The following ARHGAP8 variants were observed in gnomAD, a reference collection of about 807,000 sequenced individuals.
ARHGAP8 encodes the protein Rho GTPase activating protein 8.
ARHGAP8 carries 62 observed loss-of-function variants against 46.1 expected under a neutral mutation model. The ratio of observed to expected loss-of-function variants is 1.34; its 90% CI spans 1.10 to 1.66. The LOEUF (loss-of-function observed/expected upper bound fraction) is 1.66, where lower values mean the gene tolerates loss of function less well. Among genes scored for constraint, ARHGAP8 ranks in the 40% most tolerant of loss-of-function variants. ARHGAP8 has a pLI of 0.00. For synonymous variants in ARHGAP8, 375 were observed against 243.1 expected (o/e 1.54, Z -5.05); for missense variants, 923 against 568.4 (o/e 1.62, Z -6.34).
chr22:44,797,315 C>G (rs1747744638), intron 2 of ARHGAP8, among the ~76,000 whole-genome samples: 1 of 151,532 alleles, frequency 6.6e-6, no homozygotes, highest in Admixed American at 6.6e-5. Flanking sequence ...TATAAATCAC[C>G]CATCACTTTA....
At chr22:44,842,645 C>T (rs955317096) in intron 7 of ARHGAP8, among the ~76,000 whole-genome samples, 1 of 152,112 alleles carries the variant, frequency 6.6e-6, no homozygotes, top group East Asian at 1.9e-4. Context: ...ATAGCTGATG[C>T]GTCAGCTGGA....
At chr22:44,784,370 C>T (rs764972955) in intron 1 of ARHGAP8, among the ~76,000 whole-genome samples, 1 of 152,196 alleles carries the variant, frequency 6.6e-6, no homozygotes, top group Non-Finnish European at 1.5e-5. Flanking sequence ...TGCCACTGCA[C>T]TCCAGCCTGG....
chr22:44,852,086 G>C (rs2070108122), intron 10 of ARHGAP8, among the ~76,000 whole-genome samples: 1 of 150,534 alleles, frequency 6.6e-6, no homozygotes, highest in Admixed American at 6.7e-5. Flanking sequence ...AGCTACTCAG[G>C]AGGCTGAGGC....
At chr22:44,835,346 G>T (rs963027625) in intron 7 of ARHGAP8, among the ~76,000 whole-genome samples, 3 of 152,044 alleles carry the variant, frequency 2.0e-5, no homozygotes, top group Non-Finnish European at 4.4e-5. Context: ...GGAGCCAGGC[G>T]TGGTGGCTGA....
intron 10 of ARHGAP8, among the ~76,000 whole-genome samples, chr22:44,855,981 C>T (rs1423007263): frequency 6.6e-6 from 1 of 152,160 alleles, no homozygotes; most frequent in Non-Finnish European, 1.5e-5. Context: ...AAAGGAGGAG[C>T]AGGTGTCTCA....
intron 10 of ARHGAP8, 90 bp downstream of exon 10, chr22:44,849,150 C>T (rs943161475): frequency 1.1e-5 from 17 of 1,582,584 alleles, no homozygotes; most frequent in Middle Eastern, 1.8e-4. Context: ...CTGGGGTGGC[C>T]GAGGTGACGT....
At chr22:44,815,618 T>TAG (rs1929682623) in intron 5 of ARHGAP8, among the ~76,000 whole-genome samples, 1 of 150,482 alleles carries the variant, frequency 6.6e-6, no homozygotes, top group Admixed American at 6.6e-5. Flanking sequence ...GCAACCCAAA[T>TAG]AAGCGGCCTA....
chr22:44,834,921 A>G (rs1931181935), intron 7 of ARHGAP8, among the ~76,000 whole-genome samples: 1 of 152,126 alleles, frequency 6.6e-6, no homozygotes, highest in Admixed American at 6.6e-5. Context: ...TATAGCCATT[A>G]TAGCTCTTTT....
At chr22:44,818,409 A>T (rs1468708513) in intron 5 of ARHGAP8, among the ~76,000 whole-genome samples, 1 of 148,710 alleles carries the variant, frequency 6.7e-6, no homozygotes, top group Non-Finnish European at 1.5e-5. Flanking sequence ...AGATCACACC[A>T]TTGCACTCCA....
Position 44,786,606 on chromosome 22 carries a change from G to C in ARHGAP8, c.79G>C (p.Gly27Arg). Residue 27 changes from glycine to arginine, a missense_variant and splice_region_variant, in exon 2 of 12, where the codon GGG becomes CGG. By Grantham distance (125) the Gly-to-Arg change is moderately radical. Transcript: ENST00000356099. The part of the protein sequence containing the change: ...VARHGILQVA[G>R]DDRFGRRVVT... ...CAGACATGGCATTCTGCAGGTGGCA[G>C]GTAGGGCCCCAGCTGGGCAGTCTGC... The C allele has an allele frequency of 6.2e-7, 1 of 1,612,936 alleles. No homozygotes were observed. Among genetic ancestry groups the C allele is most frequent in the Non-Finnish European group, 8.5e-7 (1 of 1,179,602 alleles).
Position 44,862,255 on chromosome 22 carries a change from TTG to T in ARHGAP8, c.982-13_982-12del, listed in dbSNP as rs753045344. ...CCCCTTGGTGTTCACTCCCCTTTAC[TTG>T]TGTGTGGTTTCCTCCAGGTGTCCCG... On this transcript the variant is annotated intron_variant, in intron 11 of 11. Transcript: ENST00000356099. 9.6e-6 allele frequency: 15 copies of T among 1,568,260 alleles called. No homozygotes were observed. Among genetic ancestry groups the T allele is most frequent in the Middle Eastern group, 3.4e-4 (2 of 5,854 alleles).
intron 2 of ARHGAP8, among the ~76,000 whole-genome samples, chr22:44,794,224 G>T (rs1927914584): frequency 6.6e-6 from 1 of 152,210 alleles, no homozygotes; most frequent in Non-Finnish European, 1.5e-5. Flanking sequence ...GTGTTCTGGG[G>T]CCGTGCCAAG....
intron 9 of ARHGAP8, 123 bp downstream of exon 9, chr22:44,848,173 C>G (rs1236697883): frequency 7.2e-7 from 1 of 1,381,820 alleles, no homozygotes; most frequent in Non-Finnish European, 9.8e-7. Flanking sequence ...AGAAAACACT[C>G]AGGGTGGGGG....
chr22:44,812,876 G>A (rs1929437431), intron 4 of ARHGAP8, among the ~76,000 whole-genome samples: 1 of 152,064 alleles, frequency 6.6e-6, no homozygotes, highest in African/African-American at 2.4e-5. Context: ...GTGGACATGT[G>A]TAAAATGTCC....
chr22:44,857,412 C>G (rs953967791), intron 10 of ARHGAP8, among the ~76,000 whole-genome samples: 6 of 152,114 alleles, frequency 3.9e-5, no homozygotes, highest in Admixed American at 2.6e-4. Flanking sequence ...GGTGGGGGCC[C>G]TGTTGCTTGG....
intron 1 of ARHGAP8, among the ~76,000 whole-genome samples, chr22:44,777,704 G>T (rs2147027939): frequency 6.6e-6 from 1 of 151,710 alleles, no homozygotes; most frequent in South Asian, 2.1e-4. Context: ...TTAGTTAGTT[G>T]TTAATTTTGA....
chr22:44,833,091 C>CTTTTA (rs1931059325), intron 7 of ARHGAP8, among the ~76,000 whole-genome samples: 1 of 126,852 alleles, frequency 7.9e-6, no homozygotes, highest in Admixed American at 8.3e-5. Context: ...CTTTTCTTTT[C>CTTTTA]TTTTCTTTTT....
At chr22:44,861,333 G>A (rs1002077035) in intron 11 of ARHGAP8, among the ~76,000 whole-genome samples, 11 of 152,174 alleles carry the variant, frequency 7.2e-5, no homozygotes, top group African/African-American at 2.2e-4. Context: ...CATGGGCACC[G>A]ATGTGAATGC....
intron 10 of ARHGAP8, among the ~76,000 whole-genome samples, chr22:44,859,246 G>A (rs1022728983): frequency 6.6e-6 from 1 of 152,166 alleles, no homozygotes; most frequent in South Asian, 2.1e-4. Flanking sequence ...TTGGAGGTGG[G>A]GACTGGTGGC....
Sources: allele counts gnomAD v4.1 joint callset (sites outside exome capture counted in the v4.1 genomes callset), GRCh38; gene constraint gnomAD v4.1.1; transcripts MANE v1.5; gene names NCBI Gene and HGNC (gene_info 2026-07-23, HGNC 2026-07-21).